Variants in GMDS observed in about 807,000 individuals in gnomAD.
The protein encoded by GMDS is GDP-mannose 4,6 dehydratase.
Under a neutral mutation model 49.9 loss-of-function variants are expected in GMDS, and 20 were observed. That is an observed-to-expected ratio of 0.40 (90% CI 0.28 to 0.58). The LOEUF (loss-of-function observed/expected upper bound fraction) is 0.58, where lower values mean the gene tolerates loss of function less well. Ranked by LOEUF, GMDS falls within the 20% of genes least tolerant of loss-of-function variation. GMDS has a pLI of 0.42. For synonymous variants in GMDS, 177 were observed against 178.6 expected (o/e 0.99, Z 0.07); for missense variants, 362 against 481.4 (o/e 0.75, Z 2.32).
At chr6:2,017,151 G>A (rs532614160) in intron 4 of GMDS, among the ~76,000 whole-genome samples, 1 of 152,156 alleles carries the variant, frequency 6.6e-6, no homozygotes, top group Non-Finnish European at 1.5e-5. Context: ...AATATTTCCA[G>A]GTAGCACTGA....
chr6:1,954,180 A>G (rs1554137713), intron 6 of GMDS, among the ~76,000 whole-genome samples: 1 of 152,272 alleles, frequency 6.6e-6, no homozygotes, highest in Non-Finnish European at 1.5e-5. Context: ...GAAACAATAC[A>G]AAAGGAAAAA....
At chr6:2,042,457 G>A (rs922239406) in intron 4 of GMDS, among the ~76,000 whole-genome samples, 17 of 152,000 alleles carry the variant, frequency 1.1e-4, no homozygotes, top group Non-Finnish European at 2.1e-4. Flanking sequence ...GGCACCCTCC[G>A]TAGTGTGGCC....
chr6:1,961,019 G>C, intron 4 of GMDS, 53 bp from the exon 5 acceptor site: 1 of 1,100,396 alleles, frequency 9.1e-7, no homozygotes, highest in Non-Finnish European at 1.3e-6. Flanking sequence ...TAGCACAAAG[G>C]TGCTGTCAGC....
At chr6:2,145,329 G>C (rs1776497440) in intron 1 of GMDS, among the ~76,000 whole-genome samples, 1 of 152,056 alleles carries the variant, frequency 6.6e-6, no homozygotes, top group Non-Finnish European at 1.5e-5. Flanking sequence ...GAGGTCAGGA[G>C]TTCGAGACCA....
intron 4 of GMDS, among the ~76,000 whole-genome samples, chr6:2,093,186 T>TA (rs1329994645): frequency 3.3e-5 from 5 of 152,186 alleles, no homozygotes; most frequent in Non-Finnish European, 5.9e-5. Flanking sequence ...ATATTTACCT[T>TA]AAGCCATTCT....
intron 7 of GMDS, among the ~76,000 whole-genome samples, chr6:1,745,233 G>C (rs577721966): frequency 8.5e-5 from 13 of 152,330 alleles, no homozygotes; most frequent in Admixed American, 8.5e-4. Context: ...CGCTGTGTTA[G>C]AGTGGTCTCA....
intron 7 of GMDS, among the ~76,000 whole-genome samples, chr6:1,871,862 T>A (rs114633013): frequency 1.3e-5 from 2 of 152,242 alleles, no homozygotes; most frequent in African/African-American, 4.8e-5. Context: ...CTTCTTTTCT[T>A]TTCTCTTTTG....
chr6:2,155,968 A>G (rs1479948331), intron 1 of GMDS, among the ~76,000 whole-genome samples: 2 of 152,206 alleles, frequency 1.3e-5, no homozygotes, highest in Admixed American at 6.5e-5. Flanking sequence ...ACCCACAACA[A>G]AAGAAAATTT....
chr6:2,083,164 C>T (rs1172080057), intron 4 of GMDS, among the ~76,000 whole-genome samples: 2 of 152,190 alleles, frequency 1.3e-5, no homozygotes, highest in East Asian at 3.8e-4. Context: ...AAACACGGCA[C>T]TGTGGCTTTT....
At chr6:1,877,709 A>C (rs901927991) in intron 7 of GMDS, among the ~76,000 whole-genome samples, 1 of 151,490 alleles carries the variant, frequency 6.6e-6, no homozygotes, top group Non-Finnish European at 1.5e-5. Flanking sequence ...CTGAAGAGAC[A>C]TTTAAAGAAT....
At chr6:1,946,687 C>T (rs547505588) in intron 6 of GMDS, among the ~76,000 whole-genome samples, 2 of 152,134 alleles carry the variant, frequency 1.3e-5, no homozygotes, top group Non-Finnish European at 2.9e-5. Flanking sequence ...CAAGCAGGTA[C>T]GGAAGGCTTT....
chr6:1,732,935 C>T (rs1224934630), intron 8 of GMDS, among the ~76,000 whole-genome samples: 1 of 152,104 alleles, frequency 6.6e-6, no homozygotes, highest in African/African-American at 2.4e-5. Context: ...AGTGACAAAC[C>T]CCCTCCCCGC....
chr6:1,769,790 G>A (rs1338735683), intron 7 of GMDS, among the ~76,000 whole-genome samples: 3 of 151,988 alleles, frequency 2.0e-5, no homozygotes, highest in Non-Finnish European at 2.9e-5. Flanking sequence ...AAAAATGCGT[G>A]ATCTCTGCTC....
chr6:1,624,807 C>G (rs1484755916), intron 9 of GMDS: 5 of 210,128 alleles, frequency 2.4e-5, no homozygotes, highest in Non-Finnish European at 2.8e-5. Flanking sequence ...CTCCCCAAGG[C>G]GTCCCTTGGG....
intron 7 of GMDS, among the ~76,000 whole-genome samples, chr6:1,746,026 CGTT>C (rs1423847300): frequency 6.6e-6 from 1 of 152,224 alleles, no homozygotes; most frequent in East Asian, 1.9e-4. Context: ...CAGCTGCACA[CGTT>C]GATGTGCTCC....
At chr6:1,734,629 T>G (rs1042426208) in intron 8 of GMDS, among the ~76,000 whole-genome samples, 1 of 152,256 alleles carries the variant, frequency 6.6e-6, no homozygotes, top group African/African-American at 2.4e-5. Context: ...GCCATTTTTG[T>G]GGGGAGGCCT....
At chr6:1,723,688 G>A (rs1766473768) in intron 9 of GMDS, among the ~76,000 whole-genome samples, 1 of 151,980 alleles carries the variant, frequency 6.6e-6, no homozygotes, top group Admixed American at 6.6e-5. Context: ...TTGGGGGACA[G>A]ATGACCTAAG....
rs1768350559 is a variant in GMDS at position 1,766,274 on chromosome 6, A to C, written c.772-23688T>G. 6.6e-6 allele frequency among the ~76,000 whole-genome samples: 1 copy of C among 152,142 alleles called. No homozygotes were observed. Among genetic ancestry groups the C allele is most frequent in the South Asian group, 2.1e-4 (1 of 4,822 alleles). On this transcript the variant is annotated intron_variant, in intron 7 of 10. Transcript: ENST00000380815. The surrounding 1 kb of genome is among the most constrained non-coding windows in gnomAD (Gnocchi z 4.5). The stretch of plus-strand genomic sequence containing the variant: ...TGTGCATTGAGTCACTGGAAATTGG[A>C]CAGGAGCAAAGACCACAGAACTTTC...
chr6:1,871,733 T>C (rs1758768100), intron 7 of GMDS, among the ~76,000 whole-genome samples: 1 of 152,246 alleles, frequency 6.6e-6, no homozygotes, highest in Non-Finnish European at 1.5e-5. Flanking sequence ...AATTATGATG[T>C]ATTCTTGTAA....
Sources: allele counts gnomAD v4.1 joint callset (sites outside exome capture counted in the v4.1 genomes callset), GRCh38; gene constraint gnomAD v4.1.1; non-coding constraint Gnocchi (gnomAD v3.1); transcripts MANE v1.5; gene names NCBI Gene and HGNC (gene_info 2026-07-23, HGNC 2026-07-21).